RABGAP1L: variants seen among roughly 807,000 people sequenced by gnomAD.
RABGAP1L encodes the protein RAB GTPase activating protein 1 like.
A neutral mutation model predicts 137.7 loss-of-function variants in RABGAP1L; 63 were observed. The ratio of observed to expected loss-of-function variants is 0.46; its 90% CI spans 0.37 to 0.56. The LOEUF (loss-of-function observed/expected upper bound fraction) is 0.56. Ranked by LOEUF, RABGAP1L falls within the 20% of genes least tolerant of loss-of-function variation. The pLI, the probability that RABGAP1L is intolerant of heterozygous loss-of-function variation, is 0.00. For synonymous variants in RABGAP1L, 431 were observed against 433.7 expected (o/e 0.99, Z 0.08); for missense variants, 1,095 against 1,244.0 (o/e 0.88, Z 1.80).
intron 19 of RABGAP1L, among the ~76,000 whole-genome samples, chr1:174,815,336 C>A (rs912086367): frequency 5.3e-5 from 8 of 152,206 alleles, no homozygotes; most frequent in African/African-American, 1.7e-4. Context: ...ACAAAGCATT[C>A]ATGGACAAAG....
intron 1 of RABGAP1L, among the ~76,000 whole-genome samples, chr1:174,206,570 A>C (rs1668516974): frequency 6.6e-6 from 1 of 152,266 alleles, no homozygotes; most frequent in Admixed American, 6.5e-5. Flanking sequence ...TTTGCAGCCT[A>C]TCCAATCTTG....
intron 13 of RABGAP1L, among the ~76,000 whole-genome samples, chr1:174,406,266 T>G (rs576563875): frequency 2.6e-5 from 4 of 152,172 alleles, no homozygotes; most frequent in African/African-American, 7.2e-5. Flanking sequence ...TGTATAAAAT[T>G]TAAAATATAC....
chr1:174,694,738 T>C (rs1679123224), intron 15 of RABGAP1L, among the ~76,000 whole-genome samples: 1 of 151,894 alleles, frequency 6.6e-6, no homozygotes, highest in Non-Finnish European at 1.5e-5. Flanking sequence ...CTGGGTCAAA[T>C]GGTATTTCTA....
At chr1:174,357,786 T>G (rs1469615269) in intron 11 of RABGAP1L, among the ~76,000 whole-genome samples, 1 of 152,194 alleles carries the variant, frequency 6.6e-6, no homozygotes. Context: ...ACATTTAATG[T>G]CTCCACTTTC....
intron 19 of RABGAP1L, among the ~76,000 whole-genome samples, chr1:174,899,938 G>A (rs1356993259): frequency 6.6e-6 from 1 of 152,006 alleles, no homozygotes; most frequent in African/African-American, 2.4e-5. Context: ...GAATGTTTGG[G>A]GGGGTAGAAT....
At chr1:174,353,125 AG>A (rs1383007005) in intron 11 of RABGAP1L, among the ~76,000 whole-genome samples, 1 of 152,180 alleles carries the variant, frequency 6.6e-6, no homozygotes, top group Admixed American at 6.5e-5. Context: ...TTCATTCAGC[AG>A]GTGATGAATC....
chr1:174,524,204 G>GT (rs1183137751), intron 13 of RABGAP1L, among the ~76,000 whole-genome samples: 15 of 148,976 alleles, frequency 1.0e-4, no homozygotes, highest in African/African-American at 1.7e-4. Flanking sequence ...TGTTGTTGTT[G>GT]TTGTTTTTTT....
intron 19 of RABGAP1L, among the ~76,000 whole-genome samples, chr1:174,886,513 AG>A (rs1655165169): frequency 6.6e-6 from 1 of 152,224 alleles, no homozygotes; most frequent in Non-Finnish European, 1.5e-5. Context: ...TATCCGACAC[AG>A]TCAGGGCTGT....
intron 11 of RABGAP1L, among the ~76,000 whole-genome samples, chr1:174,329,727 A>T (rs927472651): frequency 6.6e-6 from 1 of 151,934 alleles, no homozygotes; most frequent in Non-Finnish European, 1.5e-5. Flanking sequence ...GGATAAAACT[A>T]TGTGGTCATT....
chr1:174,586,397 G>T (rs1669121672), intron 13 of RABGAP1L, among the ~76,000 whole-genome samples: 1 of 151,310 alleles, frequency 6.6e-6, no homozygotes, highest in African/African-American at 2.4e-5. Flanking sequence ...TCAGGGGAGG[G>T]TGGGTAGGGG....
At chr1:174,748,369 C>G (rs1171247949) in intron 17 of RABGAP1L, among the ~76,000 whole-genome samples, 1 of 152,298 alleles carries the variant, frequency 6.6e-6, no homozygotes, top group East Asian at 1.9e-4. Flanking sequence ...GAGAATATCT[C>G]ACACAGGAGG....
intron 19 of RABGAP1L, among the ~76,000 whole-genome samples, chr1:174,826,759 C>A (rs951631675): frequency 2.0e-5 from 3 of 152,168 alleles, no homozygotes; most frequent in African/African-American, 7.2e-5. Context: ...ACATTCCCAC[C>A]AACAATGTAT....
At chr1:174,862,156 T>A (rs1358859050) in intron 19 of RABGAP1L, among the ~76,000 whole-genome samples, 1 of 152,204 alleles carries the variant, frequency 6.6e-6, no homozygotes, top group Non-Finnish European at 1.5e-5. Flanking sequence ...TTCTCTTGCA[T>A]GTGGAGATCC....
intron 19 of RABGAP1L, among the ~76,000 whole-genome samples, chr1:174,919,288 G>T (rs1558232602): frequency 1.3e-5 from 2 of 152,288 alleles, no homozygotes; most frequent in Admixed American, 1.3e-4. Context: ...AAAGTGCTGG[G>T]ATTACAGGCG....
intron 13 of RABGAP1L, among the ~76,000 whole-genome samples, chr1:174,462,060 T>C (rs1656752506): frequency 6.6e-6 from 1 of 152,190 alleles, no homozygotes; most frequent in Admixed American, 6.6e-5. Context: ...CTGTCCAGGC[T>C]TCTCTTGGTC....
chr1:174,252,974 CA>C (rs1468554599), intron 7 of RABGAP1L, among the ~76,000 whole-genome samples: 7 of 152,002 alleles, frequency 4.6e-5, no homozygotes, highest in Non-Finnish European at 8.8e-5. Flanking sequence ...TATATAAATA[CA>C]TACACATATA....
chr1:174,946,900 CAAA>C (rs1177949233), intron 19 of RABGAP1L, among the ~76,000 whole-genome samples: 486 of 21,326 alleles, frequency 0.023, 5 homozygotes, highest in Non-Finnish European at 0.028. Context: ...GACTCCATCT[CAAA>C]AAAAAAAAAA....
intron 23 of RABGAP1L, among the ~76,000 whole-genome samples, chr1:174,979,389 C>G (rs1016684098): frequency 1.3e-5 from 2 of 152,088 alleles, no homozygotes; most frequent in African/African-American, 4.8e-5. Flanking sequence ...CTTGGGAGGT[C>G]TAACTGACCA....
Position 174,834,318 on chromosome 1 carries a change from TGG to T in RABGAP1L, c.2340+22360_2340+22361del, listed in dbSNP as rs1385535041. On this transcript the variant is annotated intron_variant, in intron 19 of 25. Coordinates refer to ENST00000681986, the MANE Select transcript of RABGAP1L (RefSeq NM_001366446.1). ...GCACACGCATGTAATCCCAGCTACT[TGG>T]GAGGCTGAGGCAGGAGAATCGCTTG... 2.0e-5 allele frequency among the ~76,000 whole-genome samples: 3 copies of T among 151,006 alleles called. No individual in the cohort carries two copies. The East Asian group carries it at 5.9e-4, about 30-fold the overall frequency.
Sources: gnomAD v4.1 joint callset for allele counts (sites outside exome capture counted in the v4.1 genomes callset) on GRCh38, gnomAD v4.1.1 for gene constraint, MANE v1.5 for transcripts, NCBI Gene and HGNC (gene_info 2026-07-23, HGNC 2026-07-21) for gene names.